Variants in PLXNA4 observed in about 807,000 individuals in gnomAD.
The protein encoded by PLXNA4 is plexin A4.
In PLXNA4, 44 loss-of-function variants were observed where a neutral mutation model predicts 191.8. The observed-to-expected ratio is 0.23, with a 90% CI of 0.18 to 0.29. The LOEUF (loss-of-function observed/expected upper bound fraction) is 0.29, where lower values mean the gene tolerates loss of function less well. Ranked by LOEUF, PLXNA4 falls within the 10% of genes least tolerant of loss-of-function variation. The probability of loss-of-function intolerance (pLI) is 1.00; values close to 1 mark genes in which losing one functional copy is unlikely to be tolerated. For synonymous variants in PLXNA4, 1,082 were observed against 1,009.5 expected (o/e 1.07, Z -1.36); for missense variants, 1,800 against 2,488.8 (o/e 0.72, Z 5.89).
At chr7:132,151,298 A>AAGGAGGAGGAAGAAGG in intron 25 of PLXNA4, among the ~76,000 whole-genome samples, 1 of 31,640 alleles carries the variant, frequency 3.2e-5, no homozygotes, top group African/African-American at 8.3e-5. Flanking sequence ...GAGGAAGAAG[A>AAGGAGGAGGAAGAAGG]AGGAGGAGGA....
At chr7:132,164,769 G>A (rs980833159) in intron 23 of PLXNA4, among the ~76,000 whole-genome samples, 9 of 152,252 alleles carry the variant, frequency 5.9e-5, no homozygotes, top group Non-Finnish European at 1.5e-5. Context: ...CGGCCGGGGG[G>A]CCTTATCAGC....
At chr7:132,277,293 T>C (rs1400474954) in intron 4 of PLXNA4, among the ~76,000 whole-genome samples, 1 of 152,138 alleles carries the variant, frequency 6.6e-6, no homozygotes, top group Non-Finnish European at 1.5e-5. Flanking sequence ...GAAAGGGTCA[T>C]TTCATGTAAG....
chr7:132,304,796 C>T (rs938794694), intron 3 of PLXNA4, among the ~76,000 whole-genome samples: 1 of 151,762 alleles, frequency 6.6e-6, no homozygotes, highest in African/African-American at 2.4e-5. Context: ...GGCCCTCCCT[C>T]CCCCCTGTCC....
chr7:132,130,925 C>G (rs1460313611), intron 31 of PLXNA4, among the ~76,000 whole-genome samples: 1 of 152,190 alleles, frequency 6.6e-6, no homozygotes, highest in Non-Finnish European at 1.5e-5. Flanking sequence ...GGTTAGACAG[C>G]AGCTAGTTCC....
chr7:132,494,975 G>T (rs1327450894), intron 2 of PLXNA4, among the ~76,000 whole-genome samples: 1 of 152,098 alleles, frequency 6.6e-6, no homozygotes, highest in African/African-American at 2.4e-5. Context: ...GGGAACAGTG[G>T]GGGGATCTCC....
At chr7:132,515,332 T>C (rs915723746) in intron 1 of PLXNA4, among the ~76,000 whole-genome samples, 2 of 152,188 alleles carry the variant, frequency 1.3e-5, no homozygotes, top group East Asian at 1.9e-4. Flanking sequence ...GTCTCAATTG[T>C]GTCCACTGAA....
chr7:132,363,443 T>C (rs1804027364), intron 3 of PLXNA4, among the ~76,000 whole-genome samples: 1 of 152,238 alleles, frequency 6.6e-6, no homozygotes, highest in Admixed American at 6.5e-5. Context: ...TCACACAGTA[T>C]TTGTCCTTCT....
intron 3 of PLXNA4, among the ~76,000 whole-genome samples, chr7:132,441,894 G>T (rs1795713447): frequency 6.6e-6 from 1 of 152,188 alleles, no homozygotes; most frequent in Non-Finnish European, 1.5e-5. Context: ...GTCTGTTGGG[G>T]CTTCACTTTG....
intron 3 of PLXNA4, among the ~76,000 whole-genome samples, chr7:132,331,567 A>C (rs1802591503): frequency 6.6e-6 from 1 of 152,210 alleles, no homozygotes; most frequent in Non-Finnish European, 1.5e-5. Flanking sequence ...GGTTATAGGG[A>C]GTGGTCAGGA....
chr7:132,261,346 C>T (rs1344798162), intron 4 of PLXNA4, among the ~76,000 whole-genome samples: 2 of 152,234 alleles, frequency 1.3e-5, no homozygotes, highest in African/African-American at 2.4e-5. Context: ...CACGAACTCA[C>T]TTTCTCTCTC....
chr7:132,635,306 G>A (rs900239694), intron 2 of PLXNA4, among the ~76,000 whole-genome samples: 7 of 151,720 alleles, frequency 4.6e-5, no homozygotes, highest in African/African-American at 9.7e-5. Flanking sequence ...AGGTCATAGC[G>A]TACTTAGTTT....
chr7:132,300,677 C>A (rs1306074399), intron 3 of PLXNA4, among the ~76,000 whole-genome samples: 4 of 152,204 alleles, frequency 2.6e-5, no homozygotes. Context: ...GGATTACCAC[C>A]CAAGTCTGAC....
intron 2 of PLXNA4, among the ~76,000 whole-genome samples, chr7:132,582,608 C>T (rs1165911544): frequency 6.6e-6 from 1 of 152,200 alleles, no homozygotes; most frequent in African/African-American, 2.4e-5. Flanking sequence ...TGCCAGCTTG[C>T]CAGCCCCATG....
At chr7:132,292,462 C>T (rs544029892) in intron 4 of PLXNA4, among the ~76,000 whole-genome samples, 1 of 152,290 alleles carries the variant, frequency 6.6e-6, no homozygotes, top group Non-Finnish European at 1.5e-5. Flanking sequence ...TCAAAGTTAT[C>T]TGGTTCTTAA....
intron 15 of PLXNA4, among the ~76,000 whole-genome samples, chr7:132,185,870 C>A (rs1177161873): frequency 1.3e-5 from 2 of 152,160 alleles, no homozygotes; most frequent in African/African-American, 4.8e-5. Flanking sequence ...CACTGAGCCC[C>A]TTATTCTGCT....
At chr7:132,192,348 T>C (rs1797118055) in intron 14 of PLXNA4, among the ~76,000 whole-genome samples, 1 of 151,894 alleles carries the variant, frequency 6.6e-6, no homozygotes, top group South Asian at 2.1e-4. Flanking sequence ...TTAAATAATC[T>C]AGTGAGAGGC....
At chr7:132,375,282 G>A (rs1458390618) in intron 3 of PLXNA4, among the ~76,000 whole-genome samples, 3 of 142,532 alleles carry the variant, frequency 2.1e-5, no homozygotes, top group Non-Finnish European at 3.1e-5. Context: ...ACTCCATCCC[G>A]CCCCCCCCCA....
chr7:132,265,834 G>A (rs1337438639), intron 4 of PLXNA4, among the ~76,000 whole-genome samples: 1 of 152,176 alleles, frequency 6.6e-6, no homozygotes, highest in Non-Finnish European at 1.5e-5. Context: ...GTGCAGGATG[G>A]GGGTCCCAAA....
intron 3 of PLXNA4, among the ~76,000 whole-genome samples, chr7:132,312,890 TCCATG>T (rs1801800426): frequency 6.6e-6 from 1 of 152,106 alleles, no homozygotes; most frequent in Non-Finnish European, 1.5e-5. Flanking sequence ...ACATGAGGGG[TCCATG>T]GCTACTCACT....
Sources: gnomAD v4.1 joint callset for allele counts (sites outside exome capture counted in the v4.1 genomes callset) on GRCh38, gnomAD v4.1.1 for gene constraint, MANE v1.5 for transcripts, NCBI Gene and HGNC (gene_info 2026-07-23, HGNC 2026-07-21) for gene names.